Variants in ANKRD31 observed in about 807,000 individuals in gnomAD.
ANKRD31 encodes the protein ankyrin repeat domain-containing protein 31.
In ANKRD31, 147 loss-of-function variants were observed where a neutral mutation model predicts 186.0. The ratio of observed to expected loss-of-function variants is 0.79; its 90% CI spans 0.69 to 0.91. ANKRD31 has a LOEUF of 0.91. ANKRD31 is among the 40% of genes least tolerant of loss of function. The pLI, the probability that ANKRD31 is intolerant of heterozygous loss-of-function variation, is 0.00. For missense variants in ANKRD31, 1,986 were observed against 2,148.8 expected (o/e 0.92, Z 1.50); for synonymous variants, 673 against 736.4 (o/e 0.91, Z 1.39).
chr5:75,201,035 T>C (rs879781455), intron 5 of ANKRD31, among the ~76,000 whole-genome samples: 4 of 152,162 alleles, frequency 2.6e-5, no homozygotes, highest in Non-Finnish European at 5.9e-5. Context: ...GATTAGGTAA[T>C]GTCTACATAG....
At chr5:75,192,495 T>G (rs758743976) in intron 9 of ANKRD31, among the ~76,000 whole-genome samples, 172 bp downstream of exon 9, 2 of 152,186 alleles carry the variant, frequency 1.3e-5, no homozygotes, top group Non-Finnish European at 2.9e-5. Flanking sequence ...TCAGGATCAA[T>G]TCTCAATTAT....
rs1482180434 is a variant in ANKRD31, at chr5:75,069,385, C to A, written c.5648-721G>T. Among the ~76,000 whole-genome samples, 3 of 151,972 alleles carry A rather than the reference C, an allele frequency of 2.0e-5. No homozygotes were observed. In the East Asian group the frequency reaches 5.8e-4, roughly 29 times the overall value. Reference sequence around the variant, plus strand: ...TGAGTGTCACCTCTGTATGGCCAACCCTTTCTTCATGCTTGGCCCACATGC... The same window carrying A: ...TGAGTGTCACCTCTGTATGGCCAACACTTTCTTCATGCTTGGCCCACATGC... On this transcript the variant is annotated intron_variant, in intron 25 of 25. Coordinates refer to ENST00000506364, the MANE Select transcript of ANKRD31 (RefSeq NM_001372053.1).
intron 20 of ANKRD31, among the ~76,000 whole-genome samples, chr5:75,110,690 A>G (rs1324989115): frequency 2.1e-5 from 3 of 145,262 alleles, no homozygotes; most frequent in African/African-American, 7.8e-5. Context: ...ACCTGGTGAC[A>G]GAGTGAAACT....
At chr5:75,178,561 G>A (rs1197802212) in intron 10 of ANKRD31, among the ~76,000 whole-genome samples, 1 of 152,090 alleles carries the variant, frequency 6.6e-6, no homozygotes, top group African/African-American at 2.4e-5. Context: ...AATCAAACTA[G>A]AACTCAGGAT....
chr5:75,217,551 T>G (rs536903907), intron 3 of ANKRD31, among the ~76,000 whole-genome samples: 1 of 152,286 alleles, frequency 6.6e-6, no homozygotes, highest in Admixed American at 6.5e-5. Flanking sequence ...GCTTAAAGGC[T>G]GTTTTGTCTG....
In ANKRD31 at chr5:75,107,525, A is replaced by AT. The variant is rs1469605830; in HGVS notation, c.4335dup (p.Tyr1446IlefsTer9). On this transcript the variant is annotated frameshift_variant, in exon 21 of 26. Transcript: ENST00000506364. LOFTEE classifies it high-confidence loss of function. ...TTTTTTTCTTTTTCTACTCACCTGTATTTTTTAGCCAGATCATCCCTTTCT... is the reference window on the plus strand; with the variant it reads ...TTTTTTTCTTTTTCTACTCACCTGTATTTTTTTAGCCAGATCATCCCTTTCT... 10 of 1,520,086 alleles carry AT rather than the reference A, an allele frequency of 6.6e-6. No individual in the cohort carries two copies. Among genetic ancestry groups the AT allele is most frequent in the Non-Finnish European group, 8.8e-6 (10 of 1,137,950 alleles). 94.2% of individuals were successfully genotyped at this position (1,520,086 alleles called of 1,614,324 possible). A position where few individuals can be genotyped will look rare whatever the true frequency, so the allele number is the denominator to read the frequency against.
chr5:75,140,275 G>C (rs1750931235), intron 15 of ANKRD31, among the ~76,000 whole-genome samples: 1 of 109,424 alleles, frequency 9.1e-6, no homozygotes, highest in Admixed American at 1.1e-4. Context: ...AGGAAAGAGA[G>C]AGAGAGAAAG....
chr5:75,085,944 A>G (rs989701936), intron 23 of ANKRD31, among the ~76,000 whole-genome samples: 7 of 152,312 alleles, frequency 4.6e-5, no homozygotes, highest in African/African-American at 7.2e-5. Flanking sequence ...ATGACCAAAC[A>G]AAGCCTGGCA....
intron 15 of ANKRD31, among the ~76,000 whole-genome samples, chr5:75,140,850 G>C (rs978748454): frequency 2.6e-5 from 4 of 152,172 alleles, no homozygotes; most frequent in Non-Finnish European, 5.9e-5. Flanking sequence ...GCTTGAAAGT[G>C]TATCCTTCCC....
chr5:75,171,725 A>T (rs1164730362), intron 10 of ANKRD31, among the ~76,000 whole-genome samples: 1 of 151,818 alleles, frequency 6.6e-6, no homozygotes, highest in Non-Finnish European at 1.5e-5. Flanking sequence ...ACCAAAACAG[A>T]CATAAGATGG....
chr5:75,179,027 C>T (rs1282242095), intron 10 of ANKRD31, among the ~76,000 whole-genome samples: 29 of 151,986 alleles, frequency 1.9e-4, no homozygotes, highest in African/African-American at 4.6e-4. Context: ...ATCAAATAGA[C>T]GCAATAAAAA....
intron 2 of ANKRD31, among the ~76,000 whole-genome samples, chr5:75,226,667 T>C (rs1244581050): frequency 6.6e-6 from 1 of 152,148 alleles, no homozygotes; most frequent in Non-Finnish European, 1.5e-5. Flanking sequence ...TATGAAAAGG[T>C]ACTCAACATC....
intron 22 of ANKRD31, among the ~76,000 whole-genome samples, chr5:75,096,397 T>C (rs1172019748): frequency 6.6e-6 from 1 of 152,214 alleles, no homozygotes; most frequent in African/African-American, 2.4e-5. Context: ...AAGTTCCTTG[T>C]AGATTCTGGA....
At chr5:75,126,972 C>G (rs1401663906) in intron 17 of ANKRD31, among the ~76,000 whole-genome samples, 1 of 152,076 alleles carries the variant, frequency 6.6e-6, no homozygotes, top group Non-Finnish European at 1.5e-5. Context: ...CAACTGAGGT[C>G]AGGAGTTCAA....
intron 22 of ANKRD31, among the ~76,000 whole-genome samples, chr5:75,093,270 C>A (rs1486906023): frequency 6.6e-6 from 1 of 152,040 alleles, no homozygotes; most frequent in African/African-American, 2.4e-5. Flanking sequence ...CACCTAAGGT[C>A]GGGAGTTTGA....
At chr5:75,128,013 T>A (rs1429316336) in intron 17 of ANKRD31, among the ~76,000 whole-genome samples, 2 of 152,260 alleles carry the variant, frequency 1.3e-5, no homozygotes, top group Non-Finnish European at 2.9e-5. Context: ...TTTTATCATG[T>A]CATATGAAAT....
intron 11 of ANKRD31, among the ~76,000 whole-genome samples, chr5:75,165,145 A>T (rs1316641976): frequency 5.9e-5 from 9 of 152,194 alleles, no homozygotes; most frequent in African/African-American, 2.2e-4. Flanking sequence ...CTTCCATGGT[A>T]TGGACCATGT....
intron 5 of ANKRD31, among the ~76,000 whole-genome samples, chr5:75,201,728 A>G (rs147224561): frequency 0.018 from 2,691 of 152,282 alleles, 43 homozygotes; most frequent in Middle Eastern, 0.041. Flanking sequence ...AGAAAGGGTC[A>G]CACACGCCTC....
At chr5:75,096,440 T>C (rs1205573375) in intron 22 of ANKRD31, among the ~76,000 whole-genome samples, 1 of 152,152 alleles carries the variant, frequency 6.6e-6, no homozygotes, top group Admixed American at 6.5e-5. Flanking sequence ...GATTGCAAAA[T>C]TTTTCTCCCG....
Sources: gnomAD v4.1 joint callset for allele counts (sites outside exome capture counted in the v4.1 genomes callset) on GRCh38, gnomAD v4.1.1 for gene constraint, MANE v1.5 for transcripts, NCBI Gene and HGNC (gene_info 2026-07-23, HGNC 2026-07-21) for gene names.